Variants in ZNF786 observed in about 807,000 individuals in gnomAD.
ZNF786 encodes the protein zinc finger protein 786.
A neutral mutation model predicts 63.1 loss-of-function variants in ZNF786; 56 were observed. The ratio of observed to expected loss-of-function variants is 0.89; its 90% CI spans 0.72 to 1.11. The LOEUF is 1.11. Ranked by LOEUF, ZNF786 falls within the 50% of genes least tolerant of loss-of-function variation. The pLI is 0.00. For missense variants in ZNF786, 1,213 were observed against 1,041.8 expected, an observed-to-expected ratio of 1.16 and a Z score of -2.26; for synonymous variants, 485 against 406.9, an observed-to-expected ratio of 1.19 and a Z score of -2.31.
In ZNF786 at chr7:149,070,450, A is replaced by C. The variant is rs758002440; in HGVS notation, c.2322T>G (p.Phe774Leu). The change falls in exon 4 of 4, where the codon TTT (phenylalanine) becomes TTG (leucine). Residue 774 changes from phenylalanine (F) to leucine (L), a missense_variant. Coordinates refer to ENST00000491431, the MANE Select transcript of ZNF786 (RefSeq NM_152411.4). ...AACTCCAATCGGCCTCTATCATTGC[A>C]AACAGTTGGCTGAGCCTTTTCTTAA... ...LDIKKRLSQL[F>L]AMIEADWS The C allele has an allele frequency of 6.2e-7, 1 of 1,613,690 alleles. No individual in the cohort carries two copies. The highest frequency in any genetic ancestry group is 1.3e-5 in the African/African-American group (1 of 74,932).
intron 3 of ZNF786, among the ~76,000 whole-genome samples, chr7:149,073,747 GTATATATATATATATATA>G (rs57987134): frequency 1.3e-5 from 1 of 77,602 alleles, no homozygotes; most frequent in Non-Finnish European, 2.5e-5. Flanking sequence ...GTGTGTGTGT[GTATATATATATATATATA>G]TATATATATA....
intron 2 of ZNF786, among the ~76,000 whole-genome samples, chr7:149,076,124 TG>T (rs1455518545): frequency 6.6e-6 from 1 of 152,008 alleles, no homozygotes; most frequent in African/African-American, 2.4e-5. Flanking sequence ...GTTTTTGTTT[TG>T]TTTTTTTTGA....
chr7:149,089,117 T>G (rs1325266006), intron 1 of ZNF786, among the ~76,000 whole-genome samples: 2 of 151,400 alleles, frequency 1.3e-5, no homozygotes, highest in Non-Finnish European at 2.9e-5. Context: ...CCAGCTAATT[T>G]TTGTTTTTGT....
chr7:149,087,679 G>A (rs1447486923), intron 1 of ZNF786, among the ~76,000 whole-genome samples: 1 of 152,024 alleles, frequency 6.6e-6, no homozygotes, highest in African/African-American at 2.4e-5. Flanking sequence ...TCACCTCCGG[G>A]GTCACAACTT....
intron 1 of ZNF786, among the ~76,000 whole-genome samples, chr7:149,082,151 C>G (rs1825663032): frequency 6.6e-6 from 1 of 152,172 alleles, no homozygotes; most frequent in Non-Finnish European, 1.5e-5. Flanking sequence ...TTCCTCCTTG[C>G]TGTTCTCATG....
Position 149,071,657 on chromosome 7 carries a change from G to C in ZNF786, c.1115C>G (p.Ser372Trp), listed in dbSNP as rs766540618. The change falls in exon 4 of 4, where the codon TCG becomes TGG. Residue 372 changes from serine to tryptophan, a missense_variant. By Grantham distance (177) the Ser-to-Trp change is radical. Transcript: ENST00000491431. ...CATAGGGGAGCGCTCGCCACACTCC[G>C]AGCAGGAGCAGGGCCCCTCTGCGCC... is the stretch of plus-strand genomic sequence containing the variant. ...QHGAEGPCSC[S>W]ECGERSPMSA... The C allele has an allele frequency of 1.3e-6, 2 of 1,567,764 alleles. No individual in the cohort carries two copies. Among genetic ancestry groups the C allele is most frequent in the Admixed American group, 1.9e-5 (1 of 53,780 alleles).
chr7:149,089,243 C>T (rs1370827438), intron 1 of ZNF786, among the ~76,000 whole-genome samples: 1 of 152,106 alleles, frequency 6.6e-6, no homozygotes, highest in Non-Finnish European at 1.5e-5. Context: ...TGAGCCACCA[C>T]GCCCGGCCCT....
chr7:149,074,332 A>G (rs1825502675), intron 3 of ZNF786, 54 bp downstream of exon 3: 1 of 1,594,616 alleles, frequency 6.3e-7, no homozygotes, highest in Non-Finnish European at 8.6e-7. Context: ...AGAGAAGAGA[A>G]ACAAATCTGA....
chr7:149,085,997 T>C (rs1825730196), intron 1 of ZNF786, among the ~76,000 whole-genome samples: 1 of 152,222 alleles, frequency 6.6e-6, no homozygotes. Context: ...CCTATGGGGT[T>C]TTCTACATAT....
chr7:149,082,822 A>G (rs954702526), intron 1 of ZNF786, among the ~76,000 whole-genome samples: 12 of 151,636 alleles, frequency 7.9e-5, no homozygotes, highest in African/African-American at 2.4e-4. Context: ...ACCTCAAGTC[A>G]TCCACCCACC....
rs766281849 is a variant in ZNF786 at position 149,070,691 on chromosome 7, T to A, written c.2081A>T (p.His694Leu). Reference protein sequence around the residue: ...SFRLKAQLLSHQGLHTGERPF... With the variant: ...SFRLKAQLLSLQGLHTGERPF... ...CCTCTCCCCTGTGTGCAGGCCCTGA[T>A]GGCTGAGCAGCTGCGCCTTCAGGCG... is the stretch of plus-strand genomic sequence containing the variant. The change falls in exon 4 of 4, where the codon CAT becomes CTT. Residue 694 changes from histidine (H) to leucine (L), a missense_variant. Coordinates refer to ENST00000491431, the MANE Select transcript of ZNF786 (RefSeq NM_152411.4). 2.5e-6 allele frequency: 4 copies of A among 1,613,952 alleles called. No homozygotes were observed. The highest frequency in any genetic ancestry group is 8.5e-7 in the Non-Finnish European group (1 of 1,179,914).
chr7:149,078,378 C>G (rs1449758053), intron 2 of ZNF786, among the ~76,000 whole-genome samples: 3 of 151,978 alleles, frequency 2.0e-5, no homozygotes, highest in Non-Finnish European at 2.9e-5. Context: ...TCCATACATA[C>G]AGCCTGCAAA....
chr7:149,087,336 T>C (rs1825754479), intron 1 of ZNF786, among the ~76,000 whole-genome samples: 2 of 152,244 alleles, frequency 1.3e-5, no homozygotes, highest in African/African-American at 4.8e-5. Flanking sequence ...CATTTGCTTA[T>C]GTGCAATTCT....
In ZNF786 at chr7:149,071,305, G is replaced by A. The variant is rs1218571625; in HGVS notation, c.1467C>T (p.Ser489=). ...KPFQCPECGL[S]FRLESMLRAH... ...CTCTCAGCATGCTCTCCAGGCGGAA[G>A]CTCAGCCCACACTCTGGGCACTGAA... Residue 489 remains serine, a synonymous_variant, in exon 4 of 4, where the codon AGC becomes AGT. Coordinates refer to ENST00000491431, the MANE Select transcript of ZNF786 (RefSeq NM_152411.4). The A allele has an allele frequency of 6.2e-7, 1 of 1,613,332 alleles. No individual in the cohort carries two copies. Among genetic ancestry groups the A allele is most frequent in the Non-Finnish European group, 8.5e-7 (1 of 1,179,824 alleles).
Position 149,071,646 on chromosome 7 carries a change from C to A in ZNF786, c.1126G>T (p.Glu376Ter). 1 of 1,572,560 alleles carries A rather than the reference C, an allele frequency of 6.4e-7. No homozygotes were observed. The highest frequency in any genetic ancestry group is 8.6e-7 in the Non-Finnish European group (1 of 1,163,956). ...AGCCTGGCGCTCATAGGGGAGCGCTCGCCACACTCCGAGCAGGAGCAGGGC... is the reference window on the plus strand; with the variant it reads ...AGCCTGGCGCTCATAGGGGAGCGCTAGCCACACTCCGAGCAGGAGCAGGGC... Reference protein sequence around the residue: ...EGPCSCSECGERSPMSARLAS... With the variant: ...EGPCSCSECG Residue 376 changes from glutamate to a stop codon, truncating the protein, a stop_gained, in exon 4 of 4, where the codon GAG (glutamate) becomes TAG (stop). Transcript: ENST00000491431. LOFTEE classifies it high-confidence loss of function.
rs369901461 is a variant in ZNF786 at position 149,070,689 on chromosome 7, G to C, written c.2083C>G (p.Gln695Glu). Residue 695 changes from glutamine (Q) to glutamate (E), a missense_variant, in exon 4 of 4, where the codon CAG becomes GAG. Coordinates refer to ENST00000491431, the MANE Select transcript of ZNF786 (RefSeq NM_152411.4). ...GGCCTCTCCCCTGTGTGCAGGCCCT[G>C]ATGGCTGAGCAGCTGCGCCTTCAGG... is the stretch of plus-strand genomic sequence containing the variant. Reference protein sequence around the residue: ...FRLKAQLLSHQGLHTGERPFH... With the variant: ...FRLKAQLLSHEGLHTGERPFH... 8 of 1,613,962 alleles carry C rather than the reference G, an allele frequency of 5.0e-6. No individual in the cohort carries two copies. The highest frequency in any genetic ancestry group is 6.8e-6 in the Non-Finnish European group (8 of 1,179,918).
chr7:149,090,709 G>C lies in ZNF786; in HGVS notation c.-69C>G. 2 of 1,501,510 alleles carry C rather than the reference G, an allele frequency of 1.3e-6. No individual in the cohort carries two copies. The highest frequency in any genetic ancestry group is 1.8e-6 in the Non-Finnish European group (2 of 1,116,208). The allele number at this position is 1,501,510 out of a possible 1,614,324, so 93.0% of individuals were successfully genotyped here. ...CGGCGGCTCCGCAGGAACCTGCCCT[G>C]CTGCGCACTGACTCCCCTCCGCTCC... On this transcript the variant is annotated 5_prime_UTR_variant, in exon 1 of 4. Transcript: ENST00000491431.
chr7:149,074,536 C>T lies in ZNF786; in HGVS notation c.148G>A (p.Asp50Asn). 1 of 1,613,372 alleles carries T rather than the reference C, an allele frequency of 6.2e-7. No individual in the cohort carries two copies. ...SNYETLVSLD[D>N]GLPKPELISW... ...ATTAGTTCTGGTTTTGGAAGTCCAT[C>T]ATCTGCACAGAGAAGTCAGACAGGG... Residue 50 changes from aspartate to asparagine, a missense_variant and splice_region_variant, in exon 3 of 4, where the codon GAT becomes AAT. Asp to Asn is a conservative substitution (Grantham distance 23). Transcript: ENST00000491431.
At position 149,070,237 on chromosome 7, in the gene ZNF786, T is replaced by C; in HGVS notation, c.*186A>G. 1.6e-6 allele frequency: 1 copy of C among 638,362 alleles called. No individual in the cohort carries two copies. Among genetic ancestry groups the C allele is most frequent in the African/African-American group, 1.9e-5 (1 of 52,182 alleles). 39.5% of individuals were successfully genotyped at this position (638,362 alleles called of 1,614,324 possible). ...GAAAAAAAAAAAAAAAAGAAAGAAATATAATTGGTGATGCTTCTGAAGAGA... is the reference window on the plus strand; with the variant it reads ...GAAAAAAAAAAAAAAAAGAAAGAAACATAATTGGTGATGCTTCTGAAGAGA... On this transcript the variant is annotated 3_prime_UTR_variant, in exon 4 of 4. Transcript: ENST00000491431.
Sources: allele counts gnomAD v4.1 joint callset (sites outside exome capture counted in the v4.1 genomes callset), GRCh38; gene constraint gnomAD v4.1.1; transcripts MANE v1.5; gene names NCBI Gene and HGNC (gene_info 2026-07-23, HGNC 2026-07-21).